VNN2: variants seen among roughly 807,000 people sequenced by gnomAD.
The protein encoded by VNN2 is pantetheine hydrolase VNN2.
In VNN2, 43 loss-of-function variants were observed where a neutral mutation model predicts 43.0. That is an observed-to-expected ratio of 1.00 (90% CI 0.78 to 1.29). VNN2 has a LOEUF of 1.29. VNN2 is among the 50% of genes most tolerant of loss of function. The pLI, the probability that VNN2 is intolerant of heterozygous loss-of-function variation, is 0.00. For synonymous variants in VNN2, 230 were observed against 224.3 expected (o/e 1.03, Z -0.23); for missense variants, 652 against 619.7 (o/e 1.05, Z -0.55).
intron 5 of VNN2, among the ~76,000 whole-genome samples, chr6:132,750,497 GTA>G (rs1554217694): frequency 3.2e-4 from 33 of 103,584 alleles, no homozygotes; most frequent in Middle Eastern, 0.01. Flanking sequence ...TTGTATATGT[GTA>G]TATATATATA....
At chr6:132,760,232 T>C (rs1179104596), upstream of VNN2, among the ~76,000 whole-genome samples, 3 of 152,176 alleles carry the variant, frequency 2.0e-5, no homozygotes, top group Non-Finnish European at 4.4e-5. Context: ...TGGAGTGCAG[T>C]GGTATGATCA....
upstream of VNN2, chr6:132,758,142 T>G (rs1780620652): frequency 3.0e-6 from 1 of 333,350 alleles, no homozygotes; most frequent in Admixed American, 4.8e-5. Context: ...CCTCCCAGGT[T>G]CAAGCGATTG....
At chr6:132,752,949 A>T in intron 3 of VNN2, 200 bp from the exon 4 acceptor site, 1 of 540,878 alleles carries the variant, frequency 1.8e-6, no homozygotes, top group Non-Finnish European at 3.2e-6. Context: ...AGCATCTCTC[A>T]TCTCCTCTCT....
rs34086445 is a variant in VNN2, at chr6:132,748,098, T to G, written c.1371+1597A>C. Among the ~76,000 whole-genome samples, 3 of 152,214 alleles carry G rather than the reference T, an allele frequency of 2.0e-5. No individual in the cohort carries two copies. In the East Asian group the frequency reaches 5.8e-4, roughly 29 times the overall value. On this transcript the variant is annotated intron_variant, in intron 6 of 6. Coordinates refer to ENST00000326499, the MANE Select transcript of VNN2 (RefSeq NM_004665.6). ...AGTTTAAATCTTCAGGCTTACAGAA[T>G]ATAATGCATCAATATGGCTAGACCC...
At chr6:132,762,101 G>A (rs1029021393), upstream of VNN2, among the ~76,000 whole-genome samples, 1 of 152,156 alleles carries the variant, frequency 6.6e-6, no homozygotes, top group Admixed American at 6.5e-5. Flanking sequence ...AATGAAATGG[G>A]GTTGACAGGG....
chr6:132,753,023 G>C, intron 3 of VNN2: 1 of 339,522 alleles, frequency 2.9e-6, no homozygotes, highest in Non-Finnish European at 5.3e-6. Flanking sequence ...AAACCCCAAA[G>C]TCCGTAAGCT....
chr6:132,760,914 TG>T (rs768851796), upstream of VNN2: 6 of 152,318 alleles, frequency 3.9e-5, no homozygotes, highest in South Asian at 2.1e-4. Flanking sequence ...TTCCCTCCTT[TG>T]TTTTTTTATT....
upstream of VNN2, among the ~76,000 whole-genome samples, chr6:132,761,530 G>T (rs886700826): frequency 1.3e-5 from 2 of 152,126 alleles, no homozygotes; most frequent in South Asian, 4.1e-4. Context: ...CATGGTGGCA[G>T]ACGCCTGTAA....
intron 6 of VNN2, 86 bp downstream of exon 6, chr6:132,749,609 A>G: frequency 7.7e-7 from 1 of 1,297,828 alleles, no homozygotes; most frequent in Non-Finnish European, 1.0e-6. Context: ...ACACAGCAGA[A>G]GTTAACTGGC....
At chr6:132,755,670 C>T (rs1780418756) in intron 3 of VNN2, among the ~76,000 whole-genome samples, 173 bp downstream of exon 3, 1 of 152,078 alleles carries the variant, frequency 6.6e-6, no homozygotes, top group Non-Finnish European at 1.5e-5. Context: ...CCTCCACGCC[C>T]AGCCAAAAGT....
At chr6:132,745,006 T>C (rs1169217573) in intron 6 of VNN2, among the ~76,000 whole-genome samples, 1 of 152,132 alleles carries the variant, frequency 6.6e-6, no homozygotes, top group Non-Finnish European at 1.5e-5. Context: ...TCAAGGGCTG[T>C]ATGGTGGAAG....
At position 132,755,896 on chromosome 6, in the gene VNN2, T is replaced by C; in HGVS notation, c.484A>G (p.Asn162Asp). Reference protein sequence around the residue: ...TCPPNGYFQYNTNVVYNTEGK... With the variant: ...TCPPNGYFQYDTNVVYNTEGK... Reference sequence around the variant, plus strand: ...TCTGTATTATACACCACATTGGTATTGTATTGAAAGTAGCCATTAGGAGGA... The same window carrying C: ...TCTGTATTATACACCACATTGGTATCGTATTGAAAGTAGCCATTAGGAGGA... Residue 162 changes from asparagine (N) to aspartate (D), a missense_variant, in exon 3 of 7, where the codon AAT (asparagine) becomes GAT (aspartate). Transcript: ENST00000326499. The C allele has an allele frequency of 6.2e-7, 1 of 1,613,980 alleles. No homozygotes were observed. Among genetic ancestry groups the C allele is most frequent in the Non-Finnish European group, 8.5e-7 (1 of 1,179,996 alleles).
chr6:132,751,084 TAA>T, intron 5 of VNN2, 59 bp downstream of exon 5: 1 of 1,521,510 alleles, frequency 6.6e-7, no homozygotes, highest in Non-Finnish European at 8.8e-7. Context: ...GGAACAAATA[TAA>T]AAAGTTAACC....
At chr6:132,758,043 T>TCTTCTTCTTCTTCTTC (rs374005582), upstream of VNN2, 7 of 358,624 alleles carry the variant, frequency 2.0e-5, no homozygotes, top group African/African-American at 1.4e-4. Flanking sequence ...CTTCTTCTTT[T>TCTTCTTCTTCTTCTTC]TTTTTTTTTT....
upstream of VNN2, chr6:132,758,033 CTTCTTCTTTTTTTT>C: frequency 1.4e-5 from 1 of 69,412 alleles, no homozygotes; most frequent in Non-Finnish European, 2.2e-5. Context: ...TCTTCTTCTT[CTTCTTCTTTTTTTT>C]TTTTTTTTTT....
In VNN2 at chr6:132,756,049, T is replaced by TAATTAAGAAGAAA; in HGVS notation, c.345-15_345-14insTTTCTTCTTAATT. On this transcript the variant is annotated splice_polypyrimidine_tract_variant and intron_variant, in intron 2 of 6. Transcript: ENST00000326499. ...GTGTGACCAAATCTAAACCAAATTATAATTAAGAAATTTCAATTTTAAAAA... is the reference window on the plus strand; with the variant it reads ...GTGTGACCAAATCTAAACCAAATTATAATTAAGAAGAAAAATTAAGAAATTTCAATTTTAAAAA... The TAATTAAGAAGAAA allele has an allele frequency of 6.5e-7, 1 of 1,533,156 alleles. No individual in the cohort carries two copies. The allele number at this position is 1,533,156 out of a possible 1,614,324, so 95.0% of individuals were successfully genotyped here.
chr6:132,760,037 C>A (rs116756421), upstream of VNN2, among the ~76,000 whole-genome samples: 3 of 152,172 alleles, frequency 2.0e-5, no homozygotes, highest in African/African-American at 2.4e-5. Flanking sequence ...AGAGCTAGAG[C>A]GACAGAGCAG....
At chr6:132,751,563 A>G in intron 4 of VNN2, 45 bp from the exon 5 acceptor site, 2 of 1,552,180 alleles carry the variant, frequency 1.3e-6, no homozygotes, top group Non-Finnish European at 1.7e-6. Context: ...CCACACACAA[A>G]AAAACCAAAA....
At chr6:132,758,022 T>TTTA (rs1562254071), upstream of VNN2, 3 of 117,496 alleles carry the variant, frequency 2.6e-5, no homozygotes, top group Non-Finnish European at 1.3e-5. Flanking sequence ...CTTCTTCTTC[T>TTTA]TCTTCTTCTT....
Sources: allele counts gnomAD v4.1 joint callset (sites outside exome capture counted in the v4.1 genomes callset), GRCh38; gene constraint gnomAD v4.1.1; transcripts MANE v1.5; gene names NCBI Gene and HGNC (gene_info 2026-07-23, HGNC 2026-07-21).